Variants in TSHR observed in about 807,000 individuals in gnomAD.
The protein encoded by TSHR is thyroid stimulating hormone receptor.
Under a neutral mutation model 64.1 loss-of-function variants are expected in TSHR, and 51 were observed. That is an observed-to-expected ratio of 0.80 (90% CI 0.64 to 1.01). The LOEUF (loss-of-function observed/expected upper bound fraction) is 1.01, where lower values mean the gene tolerates loss of function less well. TSHR is among the 50% of genes least tolerant of loss of function. The pLI, the probability that TSHR is intolerant of heterozygous loss-of-function variation, is 0.00. For missense variants in TSHR, 877 were observed against 942.8 expected (o/e 0.93, Z 0.91); for synonymous variants, 361 against 361.9 (o/e 1.00, Z 0.03).
At chr14:80,999,374 T>C (rs1043639199) in intron 1 of TSHR, among the ~76,000 whole-genome samples, 4 of 152,212 alleles carry the variant, frequency 2.6e-5, no homozygotes, top group Admixed American at 2.0e-4. Context: ...GTCTTTTCTC[T>C]TCTAGGCTAA....
intron 7 of TSHR, among the ~76,000 whole-genome samples, chr14:81,100,543 G>A (rs981587483): frequency 2.6e-5 from 4 of 152,160 alleles, no homozygotes; most frequent in African/African-American, 9.7e-5. Context: ...CACAGGTTAA[G>A]GGCTCAGTCC....
intron 1 of TSHR, among the ~76,000 whole-genome samples, chr14:80,977,599 G>T (rs1887945106): frequency 6.6e-6 from 1 of 152,118 alleles, no homozygotes; most frequent in African/African-American, 2.4e-5. Flanking sequence ...TTCTATGAAG[G>T]CTTGCCACAA....
intron 1 of TSHR, among the ~76,000 whole-genome samples, chr14:80,974,007 T>C (rs1887733921): frequency 6.6e-6 from 1 of 152,162 alleles, no homozygotes; most frequent in African/African-American, 2.4e-5. Context: ...GTGAACAAAC[T>C]AGTAAGATCT....
intron 7 of TSHR, chr14:81,104,854 CAA>C: frequency 2.0e-6 from 2 of 985,350 alleles, no homozygotes; most frequent in South Asian, 4.7e-5. Context: ...AACAGGTTCT[CAA>C]AGAGGAATAA....
intron 1 of TSHR, chr14:80,983,447 G>A: frequency 1.5e-6 from 2 of 1,308,494 alleles, no homozygotes; most frequent in Admixed American, 2.1e-5. Context: ...TGATCAATAT[G>A]AAGGCACTGG....
chr14:81,033,145 T>C (rs1884436036), intron 1 of TSHR: 1 of 385,944 alleles, frequency 2.6e-6, no homozygotes, highest in Non-Finnish European at 5.0e-6. Context: ...TGATGTGCTA[T>C]GGAAACACTG....
rs79480317 is a variant in TSHR at position 81,001,496 on chromosome 14, G to A, written c.170+45646G>A. ...AATCTACATCTACACCCTTAAGTTC[G>A]GCATTTCTCTCAGCATTTATAAACA... On this transcript the variant is annotated intron_variant, in intron 1 of 9. Transcript: ENST00000298171. 4.1e-3 allele frequency: 2,124 copies of A among 517,340 alleles called. 41 individuals carry two copies. Among genetic ancestry groups the A allele is most frequent in the African/African-American group, 0.038 (1,961 of 51,574 alleles). 32.0% of individuals were successfully genotyped at this position (517,340 alleles called of 1,614,324 possible). A position where few individuals can be genotyped will look rare whatever the true frequency, so the allele number is the denominator to read the frequency against.
chr14:81,116,050 C>A (rs1190916010), intron 8 of TSHR, among the ~76,000 whole-genome samples: 2 of 152,042 alleles, frequency 1.3e-5, no homozygotes, highest in African/African-American at 2.4e-5. Flanking sequence ...TGGAAAGGAA[C>A]AACCGGTACC....
At chr14:81,038,959 A>C (rs1884790166) in intron 1 of TSHR, among the ~76,000 whole-genome samples, 1 of 151,758 alleles carries the variant, frequency 6.6e-6, no homozygotes, top group Non-Finnish European at 1.5e-5. Context: ...ATTCTACTGA[A>C]TATTTAAAGA....
At chr14:80,987,313 A>G (rs769959253) in intron 1 of TSHR, among the ~76,000 whole-genome samples, 6 of 152,176 alleles carry the variant, frequency 3.9e-5, no homozygotes, top group Admixed American at 3.3e-4. Flanking sequence ...CAATTTGCTA[A>G]AGCACTCTGG....
intron 1 of TSHR, among the ~76,000 whole-genome samples, chr14:80,980,701 C>A (rs1888121374): frequency 6.6e-6 from 1 of 151,850 alleles, no homozygotes; most frequent in Non-Finnish European, 1.5e-5. Context: ...TATTGTCTGT[C>A]CTCATTTTCT....
chr14:80,986,346 CT>C (rs1888445446), intron 1 of TSHR, among the ~76,000 whole-genome samples: 1 of 152,168 alleles, frequency 6.6e-6, no homozygotes, highest in African/African-American at 2.4e-5. Context: ...AGATCCTACA[CT>C]ATTAACTTTA....
In TSHR at chr14:81,068,318, G is replaced by A; in HGVS notation, c.307G>A (p.Val103Met). The A allele has an allele frequency of 1.2e-6, 2 of 1,612,878 alleles. No individual in the cohort carries two copies. The highest frequency in any genetic ancestry group is 8.5e-7 in the Non-Finnish European group (1 of 1,179,256). ...ESHSFYNLSKVTHIEIRNTRN... is the reference protein window; with the variant it reads ...ESHSFYNLSKMTHIEIRNTRN... ...ACACTCCTTCTACAATTTGAGTAAAGTGACTCACATGTAAGTACAAGGAAA... is the reference window on the plus strand; with the variant it reads ...ACACTCCTTCTACAATTTGAGTAAAATGACTCACATGTAAGTACAAGGAAA... The change falls in exon 3 of 10, where the codon GTG becomes ATG. Residue 103 changes from valine to methionine, a missense_variant. Val to Met is a conservative substitution (Grantham distance 21). Transcript: ENST00000298171.
intron 1 of TSHR, chr14:80,993,826 T>A (rs557500223): frequency 1.7e-4 from 26 of 149,610 alleles, no homozygotes; most frequent in South Asian, 6.4e-4. Context: ...TCTTTTCCCA[T>A]GTAGACAAAA....
chr14:81,024,868 T>C (rs1202394688), intron 1 of TSHR, among the ~76,000 whole-genome samples: 1 of 152,126 alleles, frequency 6.6e-6, no homozygotes, highest in Non-Finnish European at 1.5e-5. Context: ...CATGGTGTTA[T>C]TCAAGGTTTA....
chr14:80,982,068 AG>A (rs1888199584), intron 1 of TSHR: 1 of 492,054 alleles, frequency 2.0e-6, no homozygotes, highest in Admixed American at 2.6e-5. Flanking sequence ...TGGAGAAGAG[AG>A]GGAGGCTACG....
chr14:81,101,225 G>A (rs1159116387), intron 7 of TSHR, among the ~76,000 whole-genome samples: 3 of 152,074 alleles, frequency 2.0e-5, no homozygotes, highest in Admixed American at 6.5e-5. Flanking sequence ...TTGGGAAGCA[G>A]GTAAATTTAA....
chr14:81,063,774 G>T (rs1170259528), intron 2 of TSHR, among the ~76,000 whole-genome samples: 8 of 152,028 alleles, frequency 5.3e-5, no homozygotes, highest in Non-Finnish European at 4.4e-5. Context: ...ATCATGATGG[G>T]GTCAGTTATT....
In TSHR at chr14:81,055,178, GCAAGCCC is replaced by G. The variant is rs532041038; in HGVS notation, c.171-6963_171-6957del. Reference sequence around the variant, plus strand: ...AGCTCAGACCATGGCTTCAGAGGATGCAAGCCCCAAGCCTTGGCAGCTTCCACATGGT... The same window carrying G: ...AGCTCAGACCATGGCTTCAGAGGATGCAAGCCTTGGCAGCTTCCACATGGT... On this transcript the variant is annotated intron_variant, in intron 1 of 9. Transcript: ENST00000298171. 5.4e-3 allele frequency among the ~76,000 whole-genome samples: 827 copies of G among 152,272 alleles called. 9 individuals are homozygous for G. The highest frequency in any genetic ancestry group is 0.031 in the Middle Eastern group (9 of 294).
Sources: gnomAD v4.1 joint callset for allele counts (sites outside exome capture counted in the v4.1 genomes callset) on GRCh38, gnomAD v4.1.1 for gene constraint, MANE v1.5 for transcripts, NCBI Gene and HGNC (gene_info 2026-07-23, HGNC 2026-07-21) for gene names.